The following OTUD7A variants were observed in gnomAD, a reference collection of about 807,000 sequenced individuals.
OTUD7A encodes OTU domain-containing protein 7A.
OTUD7A carries 12 observed loss-of-function variants against 65.7 expected under a neutral mutation model. The observed-to-expected ratio is 0.18, with a 90% CI of 0.12 to 0.30. OTUD7A has a LOEUF of 0.30. OTUD7A is among the 10% of genes least tolerant of loss of function. The pLI is 1.00. For missense variants in OTUD7A, 1,148 were observed against 1,304.8 expected, an observed-to-expected ratio of 0.88 and a Z score of 1.85; for synonymous variants, 641 against 586.3, an observed-to-expected ratio of 1.09 and a Z score of -1.35.
chr15:31,492,448 G>C (rs2041329219), intron 10 of OTUD7A, among the ~76,000 whole-genome samples: 1 of 152,032 alleles, frequency 6.6e-6, no homozygotes, highest in Admixed American at 6.6e-5. Context: ...GCATGGTGCT[G>C]TGTGCCTGTA....
chr15:31,743,288 A>G (rs1354586748), intron 1 of OTUD7A, among the ~76,000 whole-genome samples: 3 of 152,234 alleles, frequency 2.0e-5, no homozygotes, highest in Non-Finnish European at 4.4e-5. Flanking sequence ...TAATCTGGCA[A>G]TCATGAAAAA....
At chr15:31,533,622 A>T (rs1887705934) in intron 5 of OTUD7A, among the ~76,000 whole-genome samples, 1 of 152,220 alleles carries the variant, frequency 6.6e-6, no homozygotes, top group Non-Finnish European at 1.5e-5. Flanking sequence ...GTAATAAGCA[A>T]GGAGATTTTG....
chr15:31,853,856 AG>A (rs1897493264), intron 1 of OTUD7A, among the ~76,000 whole-genome samples: 1 of 152,230 alleles, frequency 6.6e-6, no homozygotes, highest in Non-Finnish European at 1.5e-5. Context: ...CCCATTCAAA[AG>A]TGACTAAAAT....
At chr15:31,745,235 G>C (rs10431788) in intron 1 of OTUD7A, among the ~76,000 whole-genome samples, 1 of 152,088 alleles carries the variant, frequency 6.6e-6, no homozygotes, top group Non-Finnish European at 1.5e-5. Context: ...TGATCTAGAA[G>C]AGCCAAAATT....
At chr15:31,788,194 C>G (rs2140934312) in intron 1 of OTUD7A, among the ~76,000 whole-genome samples, 1 of 152,156 alleles carries the variant, frequency 6.6e-6, no homozygotes, top group East Asian at 1.9e-4. Context: ...TTATGAATGC[C>G]TTAAATCAGC....
intron 1 of OTUD7A, among the ~76,000 whole-genome samples, chr15:31,739,326 T>C (rs1894276491): frequency 6.6e-6 from 1 of 152,194 alleles, no homozygotes; most frequent in Non-Finnish European, 1.5e-5. Flanking sequence ...TTGGATTCAG[T>C]ATATCAAAAA....
chr15:31,699,583 G>C (rs1412078883), intron 1 of OTUD7A, among the ~76,000 whole-genome samples: 2 of 152,204 alleles, frequency 1.3e-5, no homozygotes, highest in African/African-American at 4.8e-5. Flanking sequence ...CCACTGGGCT[G>C]CTTGGATCTG....
chr15:31,559,197 G>C lies in OTUD7A; in HGVS notation c.332-10C>G. ...CGGGAAAGCCGCTTTTCTGCAGGGG[G>C]AGAAGGAAAGATAGCCCCAAGGGCT... On this transcript the variant is annotated splice_polypyrimidine_tract_variant and intron_variant, in intron 4 of 12. Coordinates refer to ENST00000307050, the MANE Select transcript of OTUD7A (RefSeq NM_001382637.1). 1 of 1,610,762 alleles carries C rather than the reference G, an allele frequency of 6.2e-7. No individual in the cohort carries two copies. Among genetic ancestry groups the C allele is most frequent in the Non-Finnish European group, 8.5e-7 (1 of 1,177,912 alleles).
chr15:31,713,849 A>C (rs990416707), intron 1 of OTUD7A, among the ~76,000 whole-genome samples: 2 of 151,690 alleles, frequency 1.3e-5, no homozygotes, highest in African/African-American at 4.8e-5. Context: ...CATACACTTC[A>C]CAAGATGACA....
At chr15:31,666,537 T>A (rs1276845308) in intron 1 of OTUD7A, among the ~76,000 whole-genome samples, 1 of 152,318 alleles carries the variant, frequency 6.6e-6, no homozygotes, top group African/African-American at 2.4e-5. Context: ...CTTTTCTTAG[T>A]TAATCTTGCT....
Position 31,476,926 on chromosome 15 carries a change from G to T in OTUD7A, c.*6368C>A. On this transcript the variant is annotated 3_prime_UTR_variant, in exon 13 of 13. Transcript: ENST00000307050. The stretch of plus-strand genomic sequence containing the variant: ...GGCAGGGGCAGGAAGGTCATTGGAG[G>T]ACCCACGCCTCCCCTGCTGTGGGTG... 6.6e-6 allele frequency: 1 copy of T among 152,414 alleles called. No homozygotes were observed. Among genetic ancestry groups the T allele is most frequent in the Non-Finnish European group, 1.5e-5 (1 of 68,064 alleles). The allele number at this position is 152,414 out of a possible 1,614,324, so 9.4% of individuals were successfully genotyped here. A position where few individuals can be genotyped will look rare whatever the true frequency, so the allele number is the denominator to read the frequency against.
At chr15:31,742,524 T>G (rs1263038180) in intron 1 of OTUD7A, among the ~76,000 whole-genome samples, 1 of 151,980 alleles carries the variant, frequency 6.6e-6, no homozygotes, top group Non-Finnish European at 1.5e-5. Context: ...TTAGAAAAAA[T>G]CTGGCACAAC....
chr15:31,786,844 T>C (rs1464572682), intron 1 of OTUD7A, among the ~76,000 whole-genome samples: 1 of 152,134 alleles, frequency 6.6e-6, no homozygotes, highest in Admixed American at 6.6e-5. Flanking sequence ...CCCGCAGTGA[T>C]ATCACAGACA....
intron 3 of OTUD7A, among the ~76,000 whole-genome samples, chr15:31,576,273 G>T (rs938586540): frequency 6.6e-6 from 1 of 152,156 alleles, no homozygotes; most frequent in African/African-American, 2.4e-5. Flanking sequence ...GTGGGACAAA[G>T]GACAGACAGA....
chr15:31,788,228 G>A (rs111349635), intron 1 of OTUD7A, among the ~76,000 whole-genome samples: 1 of 152,058 alleles, frequency 6.6e-6, no homozygotes, highest in Non-Finnish European at 1.5e-5. Context: ...AGAAATATGC[G>A]TAAGACTTTG....
chr15:31,496,917 T>TC (rs2041393388), intron 10 of OTUD7A, among the ~76,000 whole-genome samples: 1 of 152,202 alleles, frequency 6.6e-6, no homozygotes, highest in South Asian at 2.1e-4. Flanking sequence ...TTTTTTTTTT[T>TC]CAAGTATCAC....
At chr15:31,534,435 A>G (rs57790134) in intron 5 of OTUD7A, among the ~76,000 whole-genome samples, 2,973 of 152,302 alleles carry the variant, frequency 0.02, 103 homozygotes, top group African/African-American at 0.068. Context: ...ACAAACATAC[A>G]GCTAACATCA....
In OTUD7A at chr15:31,479,223, G is replaced by T. The variant is rs1219263582; in HGVS notation, c.*4071C>A. 1 of 152,272 alleles carries T rather than the reference G, an allele frequency of 6.6e-6. No individual in the cohort carries two copies. The highest frequency in any genetic ancestry group is 1.5e-5 in the Non-Finnish European group (1 of 68,072). The allele number at this position is 152,272 out of a possible 1,614,324, so 9.4% of individuals were successfully genotyped here. A position where few individuals can be genotyped will look rare whatever the true frequency, so the allele number is the denominator to read the frequency against. The stretch of plus-strand genomic sequence containing the variant: ...GGCAGCAGAACCGGACTCAACTAGA[G>T]CAGGGGCCGCCTCTGCAGCCCAGCG... On this transcript the variant is annotated 3_prime_UTR_variant, in exon 13 of 13. Coordinates refer to ENST00000307050, the MANE Select transcript of OTUD7A (RefSeq NM_001382637.1).
At chr15:31,792,440 C>T (rs2140938689) in intron 1 of OTUD7A, among the ~76,000 whole-genome samples, 1 of 152,282 alleles carries the variant, frequency 6.6e-6, no homozygotes, top group East Asian at 1.9e-4. Flanking sequence ...CTCTCCATAG[C>T]ATCCCTTGCC....
Sources: allele counts gnomAD v4.1 joint callset (sites outside exome capture counted in the v4.1 genomes callset), GRCh38; gene constraint gnomAD v4.1.1; transcripts MANE v1.5; gene names NCBI Gene and HGNC (gene_info 2026-07-23, HGNC 2026-07-21).